Variants in C7orf78 observed in about 807,000 individuals in gnomAD.
The protein encoded by C7orf78 is chromosome 7 open reading frame 78.
At chr7:12,514,773 A>G in the C7orf78 span, among the ~76,000 whole-genome samples, 25 of 151,730 alleles carry the variant, frequency 1.6e-4, no homozygotes, top group Non-Finnish European at 2.9e-4. Flanking sequence ...TTCCCTTTCA[A>G]GTTTAGGACT....
chr7:12,532,121 T>C, the C7orf78 span, among the ~76,000 whole-genome samples: 2 of 152,182 alleles, frequency 1.3e-5, no homozygotes, highest in Non-Finnish European at 2.9e-5. Context: ...ATTTTGAACA[T>C]GCCTGGTCCC....
the C7orf78 span, among the ~76,000 whole-genome samples, chr7:12,511,999 T>C: frequency 1.4e-5 from 2 of 147,896 alleles, no homozygotes; most frequent in Non-Finnish European, 3.0e-5. Flanking sequence ...ATGGTCTCGA[T>C]CTCCTGACTT....
chr7:12,540,515 T>C, the C7orf78 span, among the ~76,000 whole-genome samples: 1 of 152,240 alleles, frequency 6.6e-6, no homozygotes, highest in African/African-American at 2.4e-5. Context: ...ATTATTATTA[T>C]TGTTGTTATA....
chr7:12,537,062 A>C, the C7orf78 span, among the ~76,000 whole-genome samples: 1 of 152,154 alleles, frequency 6.6e-6, no homozygotes, highest in Non-Finnish European at 1.5e-5. Context: ...AGTCGCTTTC[A>C]CATTTTCTGG....
At chr7:12,504,831 A>C in the C7orf78 span, among the ~76,000 whole-genome samples, 48 of 152,242 alleles carry the variant, frequency 3.2e-4, 1 homozygote, top group Middle Eastern at 3.4e-3. Context: ...TGGTCTAAAA[A>C]GTTTACTGTG....
the C7orf78 span, among the ~76,000 whole-genome samples, chr7:12,498,897 C>T: frequency 0.028 from 4,276 of 151,570 alleles, 210 homozygotes; most frequent in African/African-American, 0.099. Flanking sequence ...CGGCAGAAAC[C>T]CTACAAGCCA....
At chr7:12,503,256 G>A in the C7orf78 span, among the ~76,000 whole-genome samples, 115 of 149,460 alleles carry the variant, frequency 7.7e-4, 1 homozygote, top group African/African-American at 2.7e-3. Context: ...AATAAAAGAA[G>A]GAAACACAAA....
the C7orf78 span, among the ~76,000 whole-genome samples, chr7:12,506,493 G>A: frequency 6.6e-6 from 1 of 152,110 alleles, no homozygotes; most frequent in Admixed American, 6.6e-5. Context: ...CCTTTGCAGG[G>A]ACATAGATGA....
chr7:12,500,957 T>G, the C7orf78 span, among the ~76,000 whole-genome samples: 1 of 151,094 alleles, frequency 6.6e-6, no homozygotes, highest in Admixed American at 6.6e-5. Flanking sequence ...ATCCAGCATA[T>G]AAACAGAGCC....
At chr7:12,505,957 T>A in the C7orf78 span, 22,109 of 152,246 alleles carry the variant, frequency 0.15, 1,754 homozygotes, top group Middle Eastern at 0.23. Flanking sequence ...AAATAAGGTA[T>A]CATAGAGAAG....
the C7orf78 span, among the ~76,000 whole-genome samples, chr7:12,499,946 A>T: frequency 2.2e-3 from 282 of 128,366 alleles, no homozygotes; most frequent in Non-Finnish European, 3.9e-3. Flanking sequence ...CCGCTCATCT[A>T]CATGGAAACT....
the C7orf78 span, among the ~76,000 whole-genome samples, chr7:12,537,010 C>A: frequency 6.6e-6 from 1 of 152,186 alleles, no homozygotes. Flanking sequence ...TTCTTCTGAG[C>A]CCTCCAAACT....
At chr7:12,497,248 C>A in the C7orf78 span, among the ~76,000 whole-genome samples, 3 of 152,142 alleles carry the variant, frequency 2.0e-5, no homozygotes, top group Non-Finnish European at 2.9e-5. Context: ...GGAACAGCTC[C>A]GGTCTACAGC....
the C7orf78 span, among the ~76,000 whole-genome samples, chr7:12,516,310 C>T: frequency 8.5e-5 from 13 of 152,176 alleles, no homozygotes; most frequent in Admixed American, 5.2e-4. Flanking sequence ...GTTGAACCTG[C>T]GAGTGCACAG....
chr7:12,509,874 C>T, the C7orf78 span, among the ~76,000 whole-genome samples: 2 of 151,990 alleles, frequency 1.3e-5, no homozygotes, highest in Non-Finnish European at 2.9e-5. Context: ...CACCTGAGAT[C>T]AGGACAAAAA....
chr7:12,533,512 CT>C, the C7orf78 span, among the ~76,000 whole-genome samples: 1,046 of 112,616 alleles, frequency 9.3e-3, 6 homozygotes, highest in Middle Eastern at 0.014. Flanking sequence ...CCAAAGGTTT[CT>C]TTTTTTTTTT....
chr7:12,504,402 C>A, the C7orf78 span: 1 of 152,256 alleles, frequency 6.6e-6, no homozygotes, highest in African/African-American at 2.4e-5. Context: ...TTCTTAGCAA[C>A]CCAGATGAGC....
At chr7:12,535,645 G>A in the C7orf78 span, among the ~76,000 whole-genome samples, 6 of 152,094 alleles carry the variant, frequency 3.9e-5, no homozygotes, top group South Asian at 4.2e-4. Context: ...AAAAGTCCAC[G>A]GTCCAACATC....
At chr7:12,523,734 C>G in the C7orf78 span, among the ~76,000 whole-genome samples, 4 of 152,082 alleles carry the variant, frequency 2.6e-5, no homozygotes, top group African/African-American at 7.2e-5. Flanking sequence ...GATTGGAGAA[C>G]AGACATCAGT....
Sources: gnomAD v4.1 joint callset for allele counts (sites outside exome capture counted in the v4.1 genomes callset) on GRCh38, gnomAD v4.1.1 for gene constraint, MANE v1.5 for transcripts, NCBI Gene and HGNC (gene_info 2026-07-23, HGNC 2026-07-21) for gene names.